KRTAP10-7: variants seen among roughly 807,000 people sequenced by gnomAD.
The protein encoded by KRTAP10-7 is keratin associated protein 10-7.
For missense variants in KRTAP10-7, 394 were observed against 474.3 expected, an observed-to-expected ratio of 0.83 and a Z score of 1.57; for synonymous variants, 162 against 199.6, an observed-to-expected ratio of 0.81 and a Z score of 1.59.
chr21:44,601,562 G>A lies in KRTAP10-7; in HGVS notation c.941G>A (p.Arg314His), dbSNP rs770690006. 179 of 1,612,842 alleles carry A rather than the reference G, an allele frequency of 1.1e-4. No homozygotes were observed. The highest frequency in any genetic ancestry group is 1.4e-4 in the Non-Finnish European group (164 of 1,179,654). ...RPSSSVSLLC[R>H]PVCRPACCVP... ...TCCTCCTCCGTGTCCCTCCTCTGCC[G>A]CCCCGTGTGCAGGCCCGCCTGCTGC... is the stretch of plus-strand genomic sequence containing the variant. The change falls in exon 1 of 1, where the codon CGC becomes CAC. Residue 314 changes from arginine to histidine, a missense_variant. Arg to His is a conservative substitution (Grantham distance 29). Transcript: ENST00000609664.
At chr21:44,601,196 AG>A in the KRTAP10-7 span, 1 of 1,595,726 alleles carries the variant, frequency 6.3e-7, no homozygotes, top group Non-Finnish European at 8.5e-7. Flanking sequence ...GCGGTCTGTG[AG>A]CCCAGCCCCT....
rs1468005267 is a variant in KRTAP10-7 at position 44,601,459 on chromosome 21, T to C, written c.838T>C (p.Cys280Arg). 1.2e-6 allele frequency: 2 copies of C among 1,611,000 alleles called. No individual in the cohort carries two copies. Among genetic ancestry groups the C allele is most frequent in the Non-Finnish European group, 1.7e-6 (2 of 1,178,898 alleles). ...TAAGCCTGTGTGCTGTGTGCCCGTC[T>C]GCTCTGGGGCTTCCACTTCATGCTG... Reference protein sequence around the residue: ...CCKPVCCVPVCSGASTSCCQQ... With the variant: ...CCKPVCCVPVRSGASTSCCQQ... Residue 280 changes from cysteine to arginine, a missense_variant, in exon 1 of 1, where the codon TGC becomes CGC. By Grantham distance (180) the Cys-to-Arg change is radical. Coordinates refer to ENST00000609664, the MANE Select transcript of KRTAP10-7 (RefSeq NM_198689.3).
Position 44,601,790 on chromosome 21 carries a change from G to A in KRTAP10-7, c.*56G>A. The A allele has an allele frequency of 3.8e-6, 6 of 1,567,626 alleles. No individual in the cohort carries two copies. The South Asian group carries it at 6.0e-5, about 16-fold the overall frequency. On this transcript the variant is annotated 3_prime_UTR_variant, in exon 1 of 1. Transcript: ENST00000609664. Reference sequence around the variant, plus strand: ...GTGCTCACTGCCACCTGCACCCCTGGATTCTTTACCCTTGACGGCTCTCCA... The same window carrying A: ...GTGCTCACTGCCACCTGCACCCCTGAATTCTTTACCCTTGACGGCTCTCCA...
At position 44,601,695 on chromosome 21, in the gene KRTAP10-7, C is replaced by T. The variant is rs1555928895; in HGVS notation, c.1074C>T (p.Ala358=). Residue 358 remains alanine (A), a synonymous_variant, in exon 1 of 1, where the codon GCC becomes GCT. Coordinates refer to ENST00000609664, the MANE Select transcript of KRTAP10-7 (RefSeq NM_198689.3). The stretch of plus-strand genomic sequence containing the variant: ...GCCGCCCCGCATGCTCCCGCCCGGC[C>T]TGCTGTGGCCCCACCTCAACCCAGA... ...LLCRPACSRP[A]CCGPTSTQKS... 1 of 1,612,358 alleles carries T rather than the reference C, an allele frequency of 6.2e-7. No individual in the cohort carries two copies. Among genetic ancestry groups the T allele is most frequent in the African/African-American group, 1.3e-5 (1 of 74,972 alleles).
chr21:44,600,751 C>G lies in KRTAP10-7; in HGVS notation c.130C>G (p.Pro44Ala). 4 of 1,609,800 alleles carry G rather than the reference C, an allele frequency of 2.5e-6. No homozygotes were observed. The Admixed American group carries it at 5.0e-5, about 20-fold the overall frequency. Residue 44 changes from proline (P) to alanine (A), a missense_variant, in exon 1 of 1, where the codon CCC (proline) becomes GCC (alanine). Physicochemically the swap from Pro to Ala is conservative, Grantham distance 27. Coordinates refer to ENST00000609664, the MANE Select transcript of KRTAP10-7 (RefSeq NM_198689.3). ...VDDCPESCCEPPCCAPAPCLS... is the reference protein window; with the variant it reads ...VDDCPESCCEAPCCAPAPCLS... ...CGACTGCCCAGAGAGCTGCTGCGAGCCCCCCTGCTGCGCCCCGGCCCCCTG... is the reference window on the plus strand; with the variant it reads ...CGACTGCCCAGAGAGCTGCTGCGAGGCCCCCTGCTGCGCCCCGGCCCCCTG...
chr21:44,600,975 C>T lies in KRTAP10-7; in HGVS notation c.354C>T (p.Val118=). ...ACCVPVCCKT[V]CCKPVYCVPV... is the part of the protein sequence containing the mutation. ...GCGTGCCCGTCTGCTGCAAGACTGT[C>T]TGCTGCAAGCCTGTGTACTGTGTGC... Residue 118 remains valine (V), a synonymous_variant, in exon 1 of 1, where the codon GTC becomes GTT. Transcript: ENST00000609664. 1.2e-6 allele frequency: 2 copies of T among 1,611,880 alleles called. No individual in the cohort carries two copies. The highest frequency in any genetic ancestry group is 1.7e-5 in the Admixed American group (1 of 59,932).
At position 44,602,031 on chromosome 21, in the gene KRTAP10-7, G is replaced by C. The variant is rs371248; in HGVS notation, c.*297G>C. ...GTGTGGGGAGAAATGAGGGTAGACA[G>C]GTACCAACTGGGTTTCTCGTCACTG... On this transcript the variant is annotated 3_prime_UTR_variant, in exon 1 of 1. Transcript: ENST00000609664. 60,142 of 527,344 alleles carry C rather than the reference G, an allele frequency of 0.11. 6,683 individuals are homozygous for C. The highest frequency in any genetic ancestry group is 0.41 in the African/African-American group (21,460 of 52,244). The allele number at this position is 527,344 out of a possible 1,614,324, so 32.7% of individuals were successfully genotyped here.
rs371136422 is a variant in KRTAP10-7, at chr21:44,601,201, A to C, written c.580A>C (p.Ser194Arg). Residue 194 changes from serine to arginine, a missense_variant, in exon 1 of 1, where the codon AGC becomes CGC. By Grantham distance (110) the Ser-to-Arg change is moderately radical. Transcript: ENST00000609664. ...CTGCTGCCAGGCGGTCTGTGAGCCCAGCCCCTGCCAATCAGGCTGCATCAG... is the reference window on the plus strand; with the variant it reads ...CTGCTGCCAGGCGGTCTGTGAGCCCCGCCCCTGCCAATCAGGCTGCATCAG... ...SPCCQAVCEP[S>R]PCQSGCISSC... is the part of the protein sequence containing the mutation. 4.7e-5 allele frequency: 76 copies of C among 1,600,574 alleles called. No homozygotes were observed. The highest frequency in any genetic ancestry group is 6.4e-5 in the Non-Finnish European group (75 of 1,177,144).
rs367598471 is a variant in KRTAP10-7, at chr21:44,600,861, C to T, written c.240C>T (p.Gly80=). 6.2e-4 allele frequency: 992 copies of T among 1,610,326 alleles called. 9 individuals are homozygous for T. In the South Asian group the frequency reaches 0.01, roughly 17 times the overall value. Reference sequence around the variant, plus strand: ...GTGAGCCCAGCCCCTGCCAATCAGGCTGCACCAGCTCCTGCACGCCCTCGT... The same window carrying T: ...GTGAGCCCAGCCCCTGCCAATCAGGTTGCACCAGCTCCTGCACGCCCTCGT... ...VTCEPSPCQS[G]CTSSCTPSCC... is the part of the protein sequence containing the mutation. Residue 80 remains glycine (G), a synonymous_variant, in exon 1 of 1, where the codon GGC becomes GGT. Coordinates refer to ENST00000609664, the MANE Select transcript of KRTAP10-7 (RefSeq NM_198689.3).
rs373960340 is a variant in KRTAP10-7 at position 44,601,656 on chromosome 21, T to C, written c.1035T>C (p.Cys345=). 3.4e-5 allele frequency: 55 copies of C among 1,612,348 alleles called. No individual in the cohort carries two copies. The African/African-American group carries it at 5.7e-4, about 17-fold the overall frequency. The change falls in exon 1 of 1, where the codon TGT becomes TGC. Residue 345 remains cysteine, a synonymous_variant. Coordinates refer to ENST00000609664, the MANE Select transcript of KRTAP10-7 (RefSeq NM_198689.3). Reference sequence around the variant, plus strand: ...CCAGCTGCTGCCGCCCAGCCTCCTGTGTGTCTCTCCTTTGCCGCCCCGCAT... The same window carrying C: ...CCAGCTGCTGCCGCCCAGCCTCCTGCGTGTCTCTCCTTTGCCGCCCCGCAT... ...CQASCCRPAS[C]VSLLCRPACS...
Position 44,601,343 on chromosome 21 carries a change from C to T in KRTAP10-7, c.722C>T (p.Pro241Leu), listed in dbSNP as rs782312340. 2 of 1,613,240 alleles carry T rather than the reference C, an allele frequency of 1.2e-6. No homozygotes were observed. The highest frequency in any genetic ancestry group is 1.7e-6 in the Non-Finnish European group (2 of 1,179,568). The change falls in exon 1 of 1, where the codon CCC becomes CTC. Residue 241 changes from proline (P) to leucine (L), a missense_variant. Coordinates refer to ENST00000609664, the MANE Select transcript of KRTAP10-7 (RefSeq NM_198689.3). ...TGCTGCAAGCCCGTCTGCTGTGTGCCCACCTGCTCTGATGATTCCGGTTCA... is the reference window on the plus strand; with the variant it reads ...TGCTGCAAGCCCGTCTGCTGTGTGCTCACCTGCTCTGATGATTCCGGTTCA... ...PVCCKPVCCV[P>L]TCSDDSGSCC...
Position 44,601,591 on chromosome 21 carries a change from C to T in KRTAP10-7, c.970C>T (p.Pro324Ser), listed in dbSNP as rs1445285556. 3 of 1,613,458 alleles carry T rather than the reference C, an allele frequency of 1.9e-6. No individual in the cohort carries two copies. The African/African-American group carries it at 4.0e-5, about 22-fold the overall frequency. Residue 324 changes from proline (P) to serine (S), a missense_variant, in exon 1 of 1, where the codon CCC (proline) becomes TCC (serine). By Grantham distance (74) the Pro-to-Ser change is moderately conservative. Transcript: ENST00000609664. Reference protein sequence around the residue: ...RPVCRPACCVPVPSCCAPTSS... With the variant: ...RPVCRPACCVSVPSCCAPTSS... ...CGTGTGCAGGCCCGCCTGCTGCGTG[C>T]CCGTCCCCTCCTGCTGCGCCCCCAC... is the stretch of plus-strand genomic sequence containing the variant.
rs782486092 is a variant in KRTAP10-7, at chr21:44,601,555, C to T, written c.934C>T (p.Leu312Phe). The change falls in exon 1 of 1, where the codon CTC (leucine) becomes TTC (phenylalanine). Residue 312 changes from leucine to phenylalanine, a missense_variant. By Grantham distance (22) the Leu-to-Phe change is conservative. Transcript: ENST00000609664. ...CAGACCCTCCTCCTCCGTGTCCCTC[C>T]TCTGCCGCCCCGTGTGCAGGCCCGC... ...CCRPSSSVSL[L>F]CRPVCRPACC... The T allele has an allele frequency of 1.2e-6, 2 of 1,613,636 alleles. No homozygotes were observed. Among genetic ancestry groups the T allele is most frequent in the Non-Finnish European group, 1.7e-6 (2 of 1,179,846 alleles).
Position 44,601,630 on chromosome 21 carries a change from G to T in KRTAP10-7, c.1009G>T (p.Ala337Ser). Reference sequence around the variant, plus strand: ...CTGCGCCCCCACCTCCTCCTGCCAGGCCAGCTGCTGCCGCCCAGCCTCCTG... The same window carrying T: ...CTGCGCCCCCACCTCCTCCTGCCAGTCCAGCTGCTGCCGCCCAGCCTCCTG... The part of the protein sequence containing the change: ...SCCAPTSSCQ[A>S]SCCRPASCVS... Residue 337 changes from alanine to serine, a missense_variant, in exon 1 of 1, where the codon GCC (alanine) becomes TCC (serine). Ala to Ser is a moderately conservative substitution (Grantham distance 99). Transcript: ENST00000609664. The T allele has an allele frequency of 6.2e-7, 1 of 1,613,392 alleles. No homozygotes were observed. The highest frequency in any genetic ancestry group is 8.5e-7 in the Non-Finnish European group (1 of 1,179,670).
chr21:44,601,293 C>T lies in KRTAP10-7; in HGVS notation c.672C>T (p.Cys224=). ...CGGCTTGCTGCACCTCCTCCCCTTG[C>T]CAGCAGGCCTGCTGTGTGCCTGTCT... The part of the protein sequence containing the change: ...CKPACCTSSP[C]QQACCVPVCC... The change falls in exon 1 of 1, where the codon TGC becomes TGT. Residue 224 remains cysteine, a synonymous_variant. Coordinates refer to ENST00000609664, the MANE Select transcript of KRTAP10-7 (RefSeq NM_198689.3). The T allele has an allele frequency of 6.2e-7, 1 of 1,611,696 alleles. No individual in the cohort carries two copies.
chr21:44,600,751 C>A lies in KRTAP10-7; in HGVS notation c.130C>A (p.Pro44Thr), dbSNP rs1555928394. ...CGACTGCCCAGAGAGCTGCTGCGAG[C>A]CCCCCTGCTGCGCCCCGGCCCCCTG... is the stretch of plus-strand genomic sequence containing the variant. Reference protein sequence around the residue: ...VDDCPESCCEPPCCAPAPCLS... With the variant: ...VDDCPESCCETPCCAPAPCLS... Residue 44 changes from proline (P) to threonine (T), a missense_variant, in exon 1 of 1, where the codon CCC (proline) becomes ACC (threonine). By Grantham distance (38) the Pro-to-Thr change is conservative. Coordinates refer to ENST00000609664, the MANE Select transcript of KRTAP10-7 (RefSeq NM_198689.3). 16 of 1,609,800 alleles carry A rather than the reference C, an allele frequency of 9.9e-6. No individual in the cohort carries two copies. The highest frequency in any genetic ancestry group is 5.5e-5 in the South Asian group (5 of 90,704).
chr21:44,601,067 C>T lies in KRTAP10-7; in HGVS notation c.446C>T (p.Ser149Phe), dbSNP rs374868625. Reference sequence around the variant, plus strand: ...TGCCAGTCAGCTTGCTGCACCTCCTCCCCCTGCCAGCAGGCCTGCTGTGTG... The same window carrying T: ...TGCCAGTCAGCTTGCTGCACCTCCTTCCCCTGCCAGCAGGCCTGCTGTGTG... Reference protein sequence around the residue: ...SSCQSACCTSSPCQQACCVPI... With the variant: ...SSCQSACCTSFPCQQACCVPI... The change falls in exon 1 of 1, where the codon TCC (serine) becomes TTC (phenylalanine). Residue 149 changes from serine (S) to phenylalanine (F), a missense_variant. Ser to Phe is a radical substitution (Grantham distance 155). Coordinates refer to ENST00000609664, the MANE Select transcript of KRTAP10-7 (RefSeq NM_198689.3). 32 of 1,611,744 alleles carry T rather than the reference C, an allele frequency of 2.0e-5. No homozygotes were observed. Among genetic ancestry groups the T allele is most frequent in the Admixed American group, 3.4e-5 (2 of 59,690 alleles).
chr21:44,601,433 G>A lies in KRTAP10-7; in HGVS notation c.812G>A (p.Cys271Tyr), dbSNP rs1387677480. ...SQQGCCVPVCCKPVCCVPVCS... is the reference protein window; with the variant it reads ...SQQGCCVPVCYKPVCCVPVCS... ...CAGGGCTGCTGCGTGCCCGTCTGCT[G>A]TAAGCCTGTGTGCTGTGTGCCCGTC... The change falls in exon 1 of 1, where the codon TGT (cysteine) becomes TAT (tyrosine). Residue 271 changes from cysteine to tyrosine, a missense_variant. Transcript: ENST00000609664. 3 of 1,611,348 alleles carry A rather than the reference G, an allele frequency of 1.9e-6. No individual in the cohort carries two copies. Among genetic ancestry groups the A allele is most frequent in the Middle Eastern group, 3.3e-4 (2 of 6,052 alleles).
At position 44,600,902 on chromosome 21, in the gene KRTAP10-7, G is replaced by A. The variant is rs200656151; in HGVS notation, c.281G>A (p.Ser94Asn). ...SCTPSCCQQSSCQLACCASSP... is the reference protein window; with the variant it reads ...SCTPSCCQQSNCQLACCASSP... ...ACGCCCTCGTGCTGCCAGCAGTCTA[G>A]CTGCCAGCTGGCTTGCTGTGCCTCC... Residue 94 changes from serine (S) to asparagine (N), a missense_variant, in exon 1 of 1, where the codon AGC becomes AAC. Physicochemically the swap from Ser to Asn is conservative, Grantham distance 46. Transcript: ENST00000609664. 624 of 1,612,048 alleles carry A rather than the reference G, an allele frequency of 3.9e-4. 3 individuals are homozygous for A. In the African/African-American group the frequency reaches 6.7e-3, roughly 17 times the overall value.
Sources: allele counts gnomAD v4.1 joint callset, GRCh38; gene constraint gnomAD v4.1.1; transcripts MANE v1.5; gene names NCBI Gene and HGNC (gene_info 2026-07-23, HGNC 2026-07-21).